Variants in FLT4 observed in about 807,000 individuals in gnomAD.
FLT4 encodes vascular endothelial growth factor receptor 3.
In FLT4, 30 loss-of-function variants were observed where a neutral mutation model predicts 163.2. The observed-to-expected ratio is 0.18, with a 90% CI of 0.14 to 0.25. The LOEUF (loss-of-function observed/expected upper bound fraction) is 0.25. FLT4 is among the 10% of genes least tolerant of loss of function. The pLI is 1.00. For synonymous variants in FLT4, 884 were observed against 789.5 expected (o/e 1.12, Z -2.01); for missense variants, 1,510 against 1,863.8 (o/e 0.81, Z 3.50).
rs1201211768 is a variant in FLT4 at position 180,621,559 on chromosome 5, T to G, written c.2003A>C (p.Lys668Thr). 5.0e-6 allele frequency: 8 copies of G among 1,611,976 alleles called. No individual in the cohort carries two copies. Among genetic ancestry groups the G allele is most frequent in the Non-Finnish European group, 6.8e-6 (8 of 1,179,526 alleles). The change falls in exon 13 of 30, where the codon AAG becomes ACG. Residue 668 changes from lysine (K) to threonine (T), a missense_variant. By Grantham distance (78) the Lys-to-Thr change is moderately conservative. Transcript: ENST00000261937. ...RRSHDKHCHK[K>T]YLSVQALEAP... Reference sequence around the variant, plus strand: ...AGCCTCACCCTGCACCGACAGGTACTTCTTGTGGCAGTGCTTGTCATGGCT... The same window carrying G: ...AGCCTCACCCTGCACCGACAGGTACGTCTTGTGGCAGTGCTTGTCATGGCT...
At chr5:180,627,065 G>A (rs113704599) in intron 8 of FLT4, among the ~76,000 whole-genome samples, 2 of 152,268 alleles carry the variant, frequency 1.3e-5, no homozygotes, top group Admixed American at 6.5e-5. Flanking sequence ...TGCTGCACAC[G>A]TGAGGAAGCA....
intron 1 of FLT4, among the ~76,000 whole-genome samples, chr5:180,643,734 C>T (rs1765306047): frequency 6.6e-6 from 1 of 152,086 alleles, no homozygotes; most frequent in Non-Finnish European, 1.5e-5. Flanking sequence ...TGTGCTGCTT[C>T]CCCAGCGTCT....
chr5:180,645,452 G>T (rs1765444901), intron 1 of FLT4, among the ~76,000 whole-genome samples: 1 of 152,226 alleles, frequency 6.6e-6, no homozygotes, highest in Non-Finnish European at 1.5e-5. Flanking sequence ...CGCAGAGGTG[G>T]CCCCCCAGTG....
chr5:180,636,939 C>CACA lies in FLT4; in HGVS notation c.59-5164_59-5162dup, dbSNP rs756612510. On this transcript the variant is annotated intron_variant, in intron 1 of 29. Transcript: ENST00000261937. The surrounding 1 kb of genome is among the most constrained non-coding windows in gnomAD (Gnocchi z 4.3). ...CTGAGACAGCATGCATTCCAAACAG[C>CACA]ACAACACTGGCAGCACAAGGCCCCC... is the stretch of plus-strand genomic sequence containing the variant. Among the ~76,000 whole-genome samples the CACA allele has an allele frequency of 1.3e-5, 2 of 152,054 alleles. No homozygotes were observed. Among genetic ancestry groups the CACA allele is most frequent in the Non-Finnish European group, 1.5e-5 (1 of 68,020 alleles).
In FLT4 at chr5:180,618,663, A is replaced by G. The variant is rs1762861500; in HGVS notation, c.3001+107T>C. ...CTTCCTAAGGCAGAGCCCATTCCAC[A>G]CTCTCCCATGAAAGCCCCCGCTGAG... is the stretch of plus-strand genomic sequence containing the variant. On this transcript the variant is annotated intron_variant, in intron 21 of 29. Transcript: ENST00000261937. The G allele has an allele frequency of 2.4e-6, 3 of 1,227,924 alleles. No individual in the cohort carries two copies. The Admixed American group carries it at 6.2e-5, about 25-fold the overall frequency. 76.1% of individuals were successfully genotyped at this position (1,227,924 alleles called of 1,614,324 possible).
chr5:180,618,568 C>T (rs996924429), intron 21 of FLT4, among the ~76,000 whole-genome samples: 2 of 152,226 alleles, frequency 1.3e-5, no homozygotes, highest in Admixed American at 1.3e-4. Flanking sequence ...AGGGCAATTT[C>T]CTATTCAGCC....
At chr5:180,625,363 C>A (rs1302015168) in intron 10 of FLT4, among the ~76,000 whole-genome samples, 1 of 152,200 alleles carries the variant, frequency 6.6e-6, no homozygotes, top group Admixed American at 6.5e-5. Context: ...CCTGGGAAAG[C>A]CGCCTCCCTT....
rs111665784 is a variant in FLT4 at position 180,612,492 on chromosome 5, G to A, written c.3537+14C>T. On this transcript the variant is annotated intron_variant, in intron 26 of 29. Transcript: ENST00000261937. ...CCAAAGGCCATAGTAGAACAGGGTGGGGAAGGGGCTCACTTGCAGGCCCCT... is the reference window on the plus strand; with the variant it reads ...CCAAAGGCCATAGTAGAACAGGGTGAGGAAGGGGCTCACTTGCAGGCCCCT... 3.8e-6 allele frequency: 6 copies of A among 1,595,096 alleles called. No homozygotes were observed. The African/African-American group carries it at 5.4e-5, about 14-fold the overall frequency.
chr5:180,616,886 C>A lies in FLT4; in HGVS notation c.3096+14G>T. 1 of 1,608,288 alleles carries A rather than the reference C, an allele frequency of 6.2e-7. No homozygotes were observed. The highest frequency in any genetic ancestry group is 8.5e-7 in the Non-Finnish European group (1 of 1,175,318). ...ACCCTTTTCCCGTCTGAAGGGCCTT[C>A]GGGGGAAGCTCACCTTTCGGGAAGC... On this transcript the variant is annotated intron_variant, in intron 22 of 29. Transcript: ENST00000261937.
In FLT4 at chr5:180,601,657, G is replaced by C. The variant is rs369176626; in HGVS notation, c.*1535C>G. 4.3e-6 allele frequency: 1 copy of C among 233,220 alleles called. No individual in the cohort carries two copies. 14.4% of individuals were successfully genotyped at this position (233,220 alleles called of 1,614,324 possible). A position where few individuals can be genotyped will look rare whatever the true frequency, so the allele number is the denominator to read the frequency against. ...AGTGAGGAGAAGGGAGCAGAGGTGC[G>C]CGCCAGGAGCCAGGCTGGTTCTCTG... On this transcript the variant is annotated 3_prime_UTR_variant, in exon 30 of 30. Transcript: ENST00000261937.
rs1011806776 is a variant in FLT4, at chr5:180,636,660, C to G, written c.59-4882G>C. ...CCCTGCACGGCCCTCACATCTTCTC[C>G]TCCTGAATCACTCAGTTCTGTGGGC... On this transcript the variant is annotated intron_variant, in intron 1 of 29. Transcript: ENST00000261937. This position sits in a 1 kb window ranked among gnomAD's most constrained non-coding sequence, Gnocchi z 4.3. 8.6e-5 allele frequency among the ~76,000 whole-genome samples: 13 copies of G among 151,670 alleles called. No homozygotes were observed. Among genetic ancestry groups the G allele is most frequent in the African/African-American group, 3.2e-4 (13 of 41,054 alleles).
Position 180,613,121 on chromosome 5 carries a change from G to A in FLT4, c.3332-11C>T, listed in dbSNP as rs754609084. 8.7e-6 allele frequency: 14 copies of A among 1,601,196 alleles called. No homozygotes were observed. Among genetic ancestry groups the A allele is most frequent in the Non-Finnish European group, 3.4e-6 (4 of 1,169,366 alleles). On this transcript the variant is annotated splice_polypyrimidine_tract_variant and intron_variant, in intron 24 of 29. Coordinates refer to ENST00000261937, the MANE Select transcript of FLT4 (RefSeq NM_182925.5). The stretch of plus-strand genomic sequence containing the variant: ...GGTACGGGGAGGCCCCTGACAACAG[G>A]AAGGGGAGGTGGGTGGGGAGCAAGC...
Position 180,611,390 on chromosome 5 carries a change from G to A in FLT4, c.3627C>T (p.Ile1209=), listed in dbSNP as rs565385742. Residue 1209 remains isoleucine (I), a synonymous_variant, in exon 27 of 30, where the codon ATC becomes ATT. Transcript: ENST00000261937. The stretch of plus-strand genomic sequence containing the variant: ...GGCTGTCCTCAGCGTCAGCCTGGGC[G>A]ATGTGTAGGGCCATGGTGGACACCT... ...FSQVSTMALH[I]AQADAEDSPP... is the part of the protein sequence containing the mutation. 18 of 1,614,084 alleles carry A rather than the reference G, an allele frequency of 1.1e-5. No homozygotes were observed. The highest frequency in any genetic ancestry group is 1.1e-4 in the African/African-American group (8 of 75,040).
Position 180,620,277 on chromosome 5 carries a change from A to G in FLT4, c.2438T>C (p.Leu813Pro). The change falls in exon 17 of 30, where the codon CTG (leucine) becomes CCG (proline). Residue 813 changes from leucine to proline, a missense_variant. Coordinates refer to ENST00000261937, the MANE Select transcript of FLT4 (RefSeq NM_182925.5). This position sits in a 1 kb window ranked among gnomAD's most constrained non-coding sequence, Gnocchi z 4.4. ...PAHADIKTGY[L>P]SIIMDPGEVP... ...CTCCCCGGGGTCCATGATGATGGAC[A>G]GGTAGCCCGTCTTGATGTCTGCGTG... 1 of 1,612,154 alleles carries G rather than the reference A, an allele frequency of 6.2e-7. No individual in the cohort carries two copies. The highest frequency in any genetic ancestry group is 8.5e-7 in the Non-Finnish European group (1 of 1,179,966).
Position 180,619,209 on chromosome 5 carries a change from C to T in FLT4, c.2761+44G>A, listed in dbSNP as rs446003. 983,875 of 1,433,730 alleles carry T rather than the reference C, an allele frequency of 0.69. 339,176 individuals carry two copies. Among genetic ancestry groups the T allele is most frequent in the Admixed American group, 0.77 (31,139 of 40,208 alleles). 88.8% of individuals were successfully genotyped at this position (1,433,730 alleles called of 1,614,324 possible). A position where few individuals can be genotyped will look rare whatever the true frequency, so the allele number is the denominator to read the frequency against. ...GCGCCCCCTCCCGCCCGCGGCGCCC[C>T]GCGCCCGGGGTCTCGCCGTCCCAGC... On this transcript the variant is annotated intron_variant, in intron 19 of 29. Coordinates refer to ENST00000261937, the MANE Select transcript of FLT4 (RefSeq NM_182925.5).
At chr5:180,608,891 A>C in intron 29 of FLT4, 77 bp downstream of exon 29, 3 of 1,263,272 alleles carry the variant, frequency 2.4e-6, no homozygotes, top group East Asian at 2.3e-5. Flanking sequence ...GGCTGGGCAC[A>C]CCCAGACCCC....
Position 180,616,400 on chromosome 5 carries a change from G to A in FLT4, c.3186C>T (p.Ile1062=), listed in dbSNP as rs754111052. 9 of 1,613,890 alleles carry A rather than the reference G, an allele frequency of 5.6e-6. No homozygotes were observed. In the South Asian group the frequency reaches 9.9e-5, roughly 18 times the overall value. The change falls in exon 23 of 30, where the codon ATC becomes ATT. Residue 1062 remains isoleucine, a synonymous_variant. Transcript: ENST00000261937. ...KICDFGLARD[I]YKDPDYVRKG... ...TGCGGACGTAGTCGGGGTCTTTGTA[G>A]ATGTCCCGGGCAAGGCCAAAGTCAC...
rs773640627 is a variant in FLT4 at position 180,621,552 on chromosome 5, C to G, written c.2010G>C (p.Leu670=). The G allele has an allele frequency of 1.2e-6, 2 of 1,612,054 alleles. No individual in the cohort carries two copies. The highest frequency in any genetic ancestry group is 2.2e-5 in the South Asian group (2 of 91,032). Residue 670 remains leucine (L), a synonymous_variant, in exon 13 of 30, where the codon CTG becomes CTC. Transcript: ENST00000261937. The part of the protein sequence containing the change: ...SHDKHCHKKY[L]SVQALEAPRL... ...CGCGGCCAGCCTCACCCTGCACCGA[C>G]AGGTACTTCTTGTGGCAGTGCTTGT...
rs570696224 is a variant in FLT4 at position 180,609,826 on chromosome 5, C to A, written c.3807+79G>T. ...TCGTTGGGTTCTGCCATTTGCCTTACGAATTCCTGACGCTGCCTCCCCTGA... is the reference window on the plus strand; with the variant it reads ...TCGTTGGGTTCTGCCATTTGCCTTAAGAATTCCTGACGCTGCCTCCCCTGA... On this transcript the variant is annotated intron_variant, in intron 28 of 29. Coordinates refer to ENST00000261937, the MANE Select transcript of FLT4 (RefSeq NM_182925.5). 1.9e-6 allele frequency: 3 copies of A among 1,572,140 alleles called. No homozygotes were observed. The South Asian group carries it at 3.3e-5, about 17-fold the overall frequency.
Sources: gnomAD v4.1 joint callset for allele counts (sites outside exome capture counted in the v4.1 genomes callset) on GRCh38, gnomAD v4.1.1 for gene constraint, Gnocchi (gnomAD v3.1) non-coding constraint, MANE v1.5 for transcripts, NCBI Gene and HGNC (gene_info 2026-07-23, HGNC 2026-07-21) for gene names.